DLGAP2: variants seen among roughly 807,000 people sequenced by gnomAD.
The protein encoded by DLGAP2 is disks large-associated protein 2.
A neutral mutation model predicts 100.3 loss-of-function variants in DLGAP2; 26 were observed. The ratio of observed to expected loss-of-function variants is 0.26; its 90% CI spans 0.19 to 0.36. The LOEUF (loss-of-function observed/expected upper bound fraction) is 0.36. Among genes scored for constraint, DLGAP2 ranks in the 10% least tolerant of loss-of-function variants. The probability of loss-of-function intolerance (pLI) is 1.00; values close to 1 mark genes in which losing one functional copy is unlikely to be tolerated. For synonymous variants in DLGAP2, 886 were observed against 630.1 expected, an observed-to-expected ratio of 1.41 and a Z score of -6.08; for missense variants, 1,858 against 1,453.2, an observed-to-expected ratio of 1.28 and a Z score of -4.53.
intron 1 of DLGAP2, among the ~76,000 whole-genome samples, chr8:790,471 C>T (rs1821996530): frequency 6.6e-6 from 1 of 152,058 alleles, no homozygotes. Context: ...TAGGAGTTAC[C>T]TTATAAATGC....
intron 2 of DLGAP2, among the ~76,000 whole-genome samples, chr8:995,408 A>G (rs755567934): frequency 3.9e-5 from 6 of 152,238 alleles, no homozygotes; most frequent in Non-Finnish European, 4.4e-5. Flanking sequence ...TTCTTGAAAG[A>G]TGTTTCTAAT....
At chr8:1,270,633 G>C (rs1052362066) in intron 3 of DLGAP2, among the ~76,000 whole-genome samples, 4 of 151,972 alleles carry the variant, frequency 2.6e-5, no homozygotes, top group Non-Finnish European at 5.9e-5. Flanking sequence ...CGTTCTCCCA[G>C]TAAAATTTCC....
chr8:870,143 C>A (rs948369479), intron 1 of DLGAP2, among the ~76,000 whole-genome samples: 2 of 152,076 alleles, frequency 1.3e-5, no homozygotes, highest in African/African-American at 2.4e-5. Flanking sequence ...CTGTAATAGT[C>A]CATTATCTTG....
chr8:1,300,501 G>A (rs549448053), intron 3 of DLGAP2: 3 of 152,402 alleles, frequency 2.0e-5, no homozygotes, highest in African/African-American at 7.2e-5. Context: ...CTTCGTACTT[G>A]TCAAGTACTG....
chr8:1,550,289 T>C (rs1236923479), intron 5 of DLGAP2, among the ~76,000 whole-genome samples: 1 of 152,206 alleles, frequency 6.6e-6, no homozygotes, highest in African/African-American at 2.4e-5. Flanking sequence ...GACGGCACGC[T>C]ATGGCTTTGT....
At chr8:1,066,944 G>A (rs1803272720) in intron 2 of DLGAP2, among the ~76,000 whole-genome samples, 1 of 152,240 alleles carries the variant, frequency 6.6e-6, no homozygotes. Flanking sequence ...CCTGGTCGCA[G>A]CAGGCGGCCC....
intron 2 of DLGAP2, among the ~76,000 whole-genome samples, chr8:1,097,358 C>G (rs1459175441): frequency 7.6e-6 from 1 of 131,666 alleles, no homozygotes; most frequent in Admixed American, 7.6e-5. Flanking sequence ...ACCCACGTCC[C>G]TGTGCTCAGT....
chr8:1,338,422 G>C lies in DLGAP2; in HGVS notation c.106+79539G>C, dbSNP rs533464087. 4.5e-4 allele frequency among the ~76,000 whole-genome samples: 69 copies of C among 152,340 alleles called. No individual in the cohort carries two copies. In the South Asian group the frequency reaches 5.8e-3, roughly 13 times the overall value. On this transcript the variant is annotated intron_variant, in intron 3 of 14. Coordinates refer to ENST00000637795, the MANE Select transcript of DLGAP2 (RefSeq NM_001346810.2). ...ACCTACTGCATGATTCTATTTATATGAAATGTCCAGGACAGGCAAATCTGT... is the reference window on the plus strand; with the variant it reads ...ACCTACTGCATGATTCTATTTATATCAAATGTCCAGGACAGGCAAATCTGT...
At chr8:877,030 T>C (rs1006815977) in intron 1 of DLGAP2, among the ~76,000 whole-genome samples, 1 of 151,924 alleles carries the variant, frequency 6.6e-6, no homozygotes, top group African/African-American at 2.4e-5. Flanking sequence ...TGCAACATTC[T>C]TCTACCATCT....
intron 2 of DLGAP2, among the ~76,000 whole-genome samples, chr8:1,234,571 C>T (rs1054499683): frequency 2.0e-5 from 3 of 152,164 alleles, no homozygotes; most frequent in African/African-American, 7.2e-5. Flanking sequence ...TGAGGTCCTG[C>T]AGGTGAGGAC....
At chr8:1,254,793 G>T (rs1438439326) in intron 2 of DLGAP2, among the ~76,000 whole-genome samples, 2 of 150,620 alleles carry the variant, frequency 1.3e-5, no homozygotes, top group Non-Finnish European at 3.0e-5. Context: ...AGCTTCCCTG[G>T]CCCACGCAGT....
chr8:1,151,905 G>A (rs540551968), intron 2 of DLGAP2, among the ~76,000 whole-genome samples: 8 of 152,332 alleles, frequency 5.3e-5, no homozygotes, highest in South Asian at 4.1e-4. Context: ...CATAAACAGC[G>A]AAGCGTCCTG....
intron 6 of DLGAP2, chr8:1,619,655 G>A (rs1475850759): frequency 4.6e-5 from 7 of 152,180 alleles, no homozygotes; most frequent in African/African-American, 7.2e-5. Context: ...CATTAAGTAA[G>A]TGCTCACCAT....
At chr8:1,664,847 A>T (rs1349713932) in intron 8 of DLGAP2, among the ~76,000 whole-genome samples, 1 of 152,218 alleles carries the variant, frequency 6.6e-6, no homozygotes, top group African/African-American at 2.4e-5. Flanking sequence ...TGGTTTTGAG[A>T]ACAACCTGGC....
At chr8:982,396 T>G (rs1584945513) in intron 2 of DLGAP2, among the ~76,000 whole-genome samples, 1 of 152,354 alleles carries the variant, frequency 6.6e-6, no homozygotes, top group Admixed American at 6.5e-5. Context: ...TCTTATCTCA[T>G]TCTTTTACCT....
intron 2 of DLGAP2, among the ~76,000 whole-genome samples, chr8:1,011,953 G>A (rs1228210758): frequency 6.6e-6 from 1 of 152,156 alleles, no homozygotes; most frequent in African/African-American, 2.4e-5. Flanking sequence ...GCGTGTAGAC[G>A]GATGTCTCGG....
At chr8:1,273,441 C>T (rs1206513283) in intron 3 of DLGAP2, among the ~76,000 whole-genome samples, 1 of 152,166 alleles carries the variant, frequency 6.6e-6, no homozygotes, top group African/African-American at 2.4e-5. Context: ...GGTCAATGTG[C>T]CTTTATGCCC....
intron 2 of DLGAP2, chr8:1,033,062 T>C (rs1802018491): frequency 6.6e-6 from 1 of 152,266 alleles, no homozygotes. Context: ...CTAATGCTTT[T>C]GTAGCAAGTG....
At chr8:1,320,062 A>T (rs531745337) in intron 3 of DLGAP2, among the ~76,000 whole-genome samples, 2 of 152,162 alleles carry the variant, frequency 1.3e-5, no homozygotes, top group East Asian at 3.9e-4. Flanking sequence ...GGAGTTGAGG[A>T]ACTCGGGAGT....
Sources: allele counts gnomAD v4.1 joint callset (sites outside exome capture counted in the v4.1 genomes callset), GRCh38; gene constraint gnomAD v4.1.1; transcripts MANE v1.5; gene names NCBI Gene and HGNC (gene_info 2026-07-23, HGNC 2026-07-21).